CKMT1B: variants seen among roughly 807,000 people sequenced by gnomAD.
CKMT1B encodes the protein creatine kinase U-type, mitochondrial.
In CKMT1B, 13 loss-of-function variants were observed where a neutral mutation model predicts 21.8. The observed-to-expected ratio is 0.60, with a 90% CI of 0.39 to 0.95. The LOEUF (loss-of-function observed/expected upper bound fraction) is 0.95, where lower values mean the gene tolerates loss of function less well. CKMT1B is among the 40% of genes least tolerant of loss of function. The pLI is 0.00. For missense variants in CKMT1B, 157 were observed against 227.5 expected, an observed-to-expected ratio of 0.69 and a Z score of 1.99; for synonymous variants, 50 against 80.3, an observed-to-expected ratio of 0.62 and a Z score of 2.02.
chr15:43,597,913 T>C, intron 6 of CKMT1B: 1 of 1,333,390 alleles, frequency 7.5e-7, no homozygotes, highest in Non-Finnish European at 9.6e-7. Context: ...CTCTGTTCAT[T>C]TCCCTAGATC....
In CKMT1B at chr15:43,598,253, A is replaced by G. The variant is rs753566260; in HGVS notation, c.937A>G (p.Ile313Val). ...EFMWNERLGY[I>V]LTCPSNLGTG... ...CATGTGGAATGAGCGTTTGGGATACATCTTGACCTGTCCATCTAACCTGGG... is the reference window on the plus strand; with the variant it reads ...CATGTGGAATGAGCGTTTGGGATACGTCTTGACCTGTCCATCTAACCTGGG... Residue 313 changes from isoleucine (I) to valine (V), a missense_variant, in exon 7 of 9, where the codon ATC becomes GTC. Ile to Val is a conservative substitution (Grantham distance 29). Coordinates refer to ENST00000441322, the MANE Select transcript of CKMT1B (RefSeq NM_001375484.1). The G allele has an allele frequency of 1.4e-5, 23 of 1,607,850 alleles. No individual in the cohort carries two copies. Among genetic ancestry groups the G allele is most frequent in the South Asian group, 3.3e-5 (3 of 90,918 alleles).
rs2085644990 is a variant in CKMT1B at position 43,599,366 on chromosome 15, C to G, written c.*93C>G. ...ACTTGCTCTGGACCTGCCCCCGCAT[C>G]CCCTGCCTCCATCCTAGTAAAGACT... On this transcript the variant is annotated 3_prime_UTR_variant, in exon 9 of 9. Transcript: ENST00000441322. 1.3e-6 allele frequency: 2 copies of G among 1,596,226 alleles called. No homozygotes were observed. Among genetic ancestry groups the G allele is most frequent in the Admixed American group, 1.7e-5 (1 of 59,324 alleles).
In CKMT1B at chr15:43,598,285, A is replaced by T; in HGVS notation, c.969A>T (p.Gly323=). 2 of 1,607,504 alleles carry T rather than the reference A, an allele frequency of 1.2e-6. No homozygotes were observed. Among genetic ancestry groups the T allele is most frequent in the Non-Finnish European group, 1.7e-6 (2 of 1,179,042 alleles). ...ILTCPSNLGT[G]LRAGVHIKLP... ...CCTGTCCATCTAACCTGGGCACTGG[A>T]CTTCGGGCAGGAGTGCACATCAAAC... Residue 323 remains glycine (G), a synonymous_variant, in exon 7 of 9, where the codon GGA becomes GGT. Coordinates refer to ENST00000441322, the MANE Select transcript of CKMT1B (RefSeq NM_001375484.1).
rs1304636174 is a variant in CKMT1B, at chr15:43,596,094, G to A, written c.666+17G>A. 6.9e-6 allele frequency: 2 copies of A among 288,948 alleles called. No individual in the cohort carries two copies. Among genetic ancestry groups the A allele is most frequent in the Admixed American group, 1.5e-4 (2 of 13,768 alleles). The allele number at this position is 288,948 out of a possible 1,614,324, so 17.9% of individuals were successfully genotyped here. Reference sequence around the variant, plus strand: ...CTTATTGATGTGAGGGCCTTAAGAGGGTGCTGGTTGGTGGGAGCAGATGGG... The same window carrying A: ...CTTATTGATGTGAGGGCCTTAAGAGAGTGCTGGTTGGTGGGAGCAGATGGG... On this transcript the variant is annotated intron_variant, in intron 4 of 8. Transcript: ENST00000441322.
intron 4 of CKMT1B, 63 bp downstream of exon 4, chr15:43,596,140 C>T: frequency 2.8e-6 from 1 of 358,668 alleles, no homozygotes; most frequent in Non-Finnish European, 4.6e-6. Flanking sequence ...CCAGATGAGA[C>T]ATGGGCTCTG....
chr15:43,597,829 A>T, intron 6 of CKMT1B: 1 of 1,140,880 alleles, frequency 8.8e-7, no homozygotes, highest in Non-Finnish European at 1.1e-6. Flanking sequence ...CTCTAGGCTC[A>T]TTAGCAAAGC....
rs367857351 is a variant in CKMT1B at position 43,596,806 on chromosome 15, A to C, written c.876+275A>C. 1.4e-3 allele frequency among the ~76,000 whole-genome samples: 215 copies of C among 149,482 alleles called. 7 individuals are homozygous for C. The highest frequency in any genetic ancestry group is 1.3e-3 in the South Asian group (6 of 4,788). On this transcript the variant is annotated intron_variant, in intron 6 of 8. Transcript: ENST00000441322. ...GACAGAGAGTGCAAAGAAGGAATAA[A>C]TGAGATGGCACGTCAGTGCCTGGGA...
rs749354164 is a variant in CKMT1B, at chr15:43,598,857, C to T, written c.1042C>T (p.Leu348=). Residue 348 remains leucine, a synonymous_variant, in exon 8 of 9, where the codon CTA becomes TTA. Coordinates refer to ENST00000441322, the MANE Select transcript of CKMT1B (RefSeq NM_001375484.1). ...CCGCTTCCCAAAGATCCTGGAGAAC[C>T]TAAGACTCCAAAAACGTGGTACTGG... ...DSRFPKILEN[L]RLQKRGTGGV... The T allele has an allele frequency of 1.9e-6, 3 of 1,608,864 alleles. No homozygotes were observed. Among genetic ancestry groups the T allele is most frequent in the East Asian group, 2.3e-5 (1 of 43,944 alleles).
chr15:43,599,276 C>T lies in CKMT1B; in HGVS notation c.*3C>T. 5.6e-6 allele frequency: 9 copies of T among 1,613,636 alleles called. 1 individual carries two copies. Among genetic ancestry groups the T allele is most frequent in the Non-Finnish European group, 7.6e-6 (9 of 1,179,816 alleles). ...CTGTCATCCACACCAAGCATTAACTCCCCATCGCCAGCTGATGACTCAAGA... is the reference window on the plus strand; with the variant it reads ...CTGTCATCCACACCAAGCATTAACTTCCCATCGCCAGCTGATGACTCAAGA... On this transcript the variant is annotated 3_prime_UTR_variant, in exon 9 of 9. Coordinates refer to ENST00000441322, the MANE Select transcript of CKMT1B (RefSeq NM_001375484.1).
chr15:43,596,061 A>G lies in CKMT1B; in HGVS notation c.650A>G (p.Gln217Arg), dbSNP rs1169643883. The G allele has an allele frequency of 4.3e-6, 1 of 232,584 alleles. No homozygotes were observed. The highest frequency in any genetic ancestry group is 9.7e-5 in the East Asian group (1 of 10,298). 14.4% of individuals were successfully genotyped at this position (232,584 alleles called of 1,614,324 possible). A position where few individuals can be genotyped will look rare whatever the true frequency, so the allele number is the denominator to read the frequency against. ...CTCAGTGAGATGACAGAGGCTGAACAGCAGCAGCTTATTGATGTGAGGGCC... is the reference window on the plus strand; with the variant it reads ...CTCAGTGAGATGACAGAGGCTGAACGGCAGCAGCTTATTGATGTGAGGGCC... ...YRLSEMTEAE[Q>R]QQLIDDHFLF... Residue 217 changes from glutamine (Q) to arginine (R), a missense_variant, in exon 4 of 9, where the codon CAG becomes CGG. Transcript: ENST00000441322.
Position 43,599,389 on chromosome 15 carries a change from A to C in CKMT1B, c.*116A>C. 2 of 1,518,522 alleles carry C rather than the reference A, an allele frequency of 1.3e-6. No homozygotes were observed. The highest frequency in any genetic ancestry group is 2.5e-5 in the South Asian group (2 of 81,438). 94.1% of individuals were successfully genotyped at this position (1,518,522 alleles called of 1,614,324 possible). Reference sequence around the variant, plus strand: ...ATCCCCTGCCTCCATCCTAGTAAAGACTCCTTGCTATGCTGCAGCTGTCTG... The same window carrying C: ...ATCCCCTGCCTCCATCCTAGTAAAGCCTCCTTGCTATGCTGCAGCTGTCTG... On this transcript the variant is annotated 3_prime_UTR_variant, in exon 9 of 9. Coordinates refer to ENST00000441322, the MANE Select transcript of CKMT1B (RefSeq NM_001375484.1).
intron 6 of CKMT1B, chr15:43,597,664 C>G: frequency 1.1e-6 from 1 of 936,358 alleles, no homozygotes. Context: ...ACGCCTTCCC[C>G]CCGCCCCCTA....
Position 43,598,888 on chromosome 15 carries a change from T to C in CKMT1B, c.1073T>C (p.Val358Ala), listed in dbSNP as rs776417653. ...CTCCAAAAACGTGGTACTGGAGGAG[T>C]GGACACTGCTGCTACAGGCGGTGTC... ...LRLQKRGTGG[V>A]DTAATGGVFD... is the part of the protein sequence containing the mutation. Residue 358 changes from valine (V) to alanine (A), a missense_variant, in exon 8 of 9, where the codon GTG becomes GCG. Transcript: ENST00000441322. The C allele has an allele frequency of 1.6e-5, 26 of 1,608,492 alleles. No individual in the cohort carries two copies. The highest frequency in any genetic ancestry group is 2.2e-5 in the Non-Finnish European group (26 of 1,179,456).
At position 43,598,957 on chromosome 15, in the gene CKMT1B, G is replaced by C. The variant is rs1384130650; in HGVS notation, c.1137+5G>C. The stretch of plus-strand genomic sequence containing the variant: ...GACCGACTAGGCAAATCAGAGGTGA[G>C]ATCCTAAGGGATTAGGACAAGGAGA... On this transcript the variant is annotated splice_donor_5th_base_variant and intron_variant, in intron 8 of 8. Transcript: ENST00000441322. 6.2e-7 allele frequency: 1 copy of C among 1,610,872 alleles called. No individual in the cohort carries two copies. Among genetic ancestry groups the C allele is most frequent in the Non-Finnish European group, 8.5e-7 (1 of 1,179,440 alleles).
rs199791072 is a variant in CKMT1B, at chr15:43,599,147, T to A, written c.1138-10T>A. The A allele has an allele frequency of 6.2e-7, 1 of 1,613,546 alleles. No homozygotes were observed. The highest frequency in any genetic ancestry group is 8.5e-7 in the Non-Finnish European group (1 of 1,179,832). On this transcript the variant is annotated splice_polypyrimidine_tract_variant and intron_variant, in intron 8 of 8. Coordinates refer to ENST00000441322, the MANE Select transcript of CKMT1B (RefSeq NM_001375484.1). ...CTGTAGGAAGCAGATCAAAGATTAG[T>A]GTCCCTTAGGTGGAGCTGGTGCAAC... is the stretch of plus-strand genomic sequence containing the variant.
At chr15:43,598,712 A>G (rs2085623356) in intron 7 of CKMT1B, 115 bp from the exon 8 acceptor site, 13 of 1,413,376 alleles carry the variant, frequency 9.2e-6, no homozygotes, top group Non-Finnish European at 1.0e-5. Context: ...AAGAAAAAAG[A>G]AAAAAGGAAA....
rs1319288506 is a variant in CKMT1B at position 43,598,983 on chromosome 15, G to A, written c.1137+31G>A. ...ATCCTAAGGGATTAGGACAAGGAGAGGTATAGGTCTGCGAGGGCCGAAATA... is the reference window on the plus strand; with the variant it reads ...ATCCTAAGGGATTAGGACAAGGAGAAGTATAGGTCTGCGAGGGCCGAAATA... On this transcript the variant is annotated intron_variant, in intron 8 of 8. Coordinates refer to ENST00000441322, the MANE Select transcript of CKMT1B (RefSeq NM_001375484.1). 5.6e-6 allele frequency: 9 copies of A among 1,610,302 alleles called. No homozygotes were observed. In the South Asian group the frequency reaches 9.9e-5, roughly 18 times the overall value.
chr15:43,598,361 G>A (rs1206642997), intron 7 of CKMT1B, 34 bp downstream of exon 7: 13 of 1,592,550 alleles, frequency 8.2e-6, no homozygotes, highest in South Asian at 2.2e-5. Flanking sequence ...AGGGGTGTGA[G>A]TAAGGAAGGG....
chr15:43,596,486 T>C lies in CKMT1B; in HGVS notation c.831T>C (p.Gly277=). The change falls in exon 6 of 9, where the codon GGT becomes GGC. Residue 277 remains glycine, a synonymous_variant. Coordinates refer to ENST00000441322, the MANE Select transcript of CKMT1B (RefSeq NM_001375484.1). The part of the protein sequence containing the change: ...HTRVISMEKG[G]NMKRVFERFC... ...GGGTGATCTCCATGGAGAAGGGTGG[T>C]AACATGAAGAGAGTGTTTGAAAGAT... 6.2e-7 allele frequency: 1 copy of C among 1,605,084 alleles called. No individual in the cohort carries two copies. The highest frequency in any genetic ancestry group is 8.5e-7 in the Non-Finnish European group (1 of 1,178,704).
Sources: gnomAD v4.1 joint callset for allele counts (sites outside exome capture counted in the v4.1 genomes callset) on GRCh38, gnomAD v4.1.1 for gene constraint, MANE v1.5 for transcripts, NCBI Gene and HGNC (gene_info 2026-07-23, HGNC 2026-07-21) for gene names.